The following CDH2 variants were observed in gnomAD, a reference collection of about 807,000 sequenced individuals.
CDH2 encodes the protein cadherin 2, also known as cadherin-2.
A neutral mutation model predicts 92.0 loss-of-function variants in CDH2; 17 were observed. The ratio of observed to expected loss-of-function variants is 0.18; its 90% CI spans 0.13 to 0.28. CDH2 has a LOEUF of 0.28. Among genes scored for constraint, CDH2 ranks in the 10% least tolerant of loss-of-function variants. CDH2 has a pLI of 1.00. For synonymous variants in CDH2, 419 were observed against 415.9 expected (o/e 1.01, Z -0.09); for missense variants, 862 against 1,133.1 (o/e 0.76, Z 3.44).
intron 15 of CDH2, among the ~76,000 whole-genome samples, 170 bp downstream of exon 15, chr18:27,963,187 C>T (rs551547910): frequency 6.6e-6 from 1 of 152,246 alleles, no homozygotes; most frequent in South Asian, 2.1e-4. Flanking sequence ...AAAGCAATTA[C>T]ATTTGTTGTT....
chr18:28,092,962 T>C (rs1177295402), intron 2 of CDH2, among the ~76,000 whole-genome samples: 3 of 152,176 alleles, frequency 2.0e-5, no homozygotes, highest in Non-Finnish European at 4.4e-5. Context: ...TTTTCTATTA[T>C]TGAGCAAATC....
chr18:28,015,283 C>T (rs1428810701), intron 2 of CDH2, among the ~76,000 whole-genome samples: 1 of 152,154 alleles, frequency 6.6e-6, no homozygotes, highest in Non-Finnish European at 1.5e-5. Flanking sequence ...TTATTTTCCA[C>T]ATAATGCCAT....
intron 14 of CDH2, among the ~76,000 whole-genome samples, chr18:27,976,968 C>G (rs1039167710): frequency 2.6e-5 from 4 of 152,102 alleles, no homozygotes; most frequent in Admixed American, 2.6e-4. Flanking sequence ...ATTAGTGACG[C>G]TGATATGGAA....
chr18:28,034,178 C>CT, intron 2 of CDH2, among the ~76,000 whole-genome samples: 1 of 152,132 alleles, frequency 6.6e-6, no homozygotes, highest in South Asian at 2.1e-4. Context: ...ATCTTCATTT[C>CT]TTCAGCTGTA....
At chr18:27,950,308 CAG>C (rs1410677664), downstream of CDH2, among the ~76,000 whole-genome samples, 1 of 152,052 alleles carries the variant, frequency 6.6e-6, no homozygotes, top group Non-Finnish European at 1.5e-5. Flanking sequence ...AAGAAACAAA[CAG>C]ATAAATACAA....
intron 2 of CDH2, among the ~76,000 whole-genome samples, chr18:28,058,021 T>C (rs1208090062): frequency 6.6e-6 from 1 of 152,210 alleles, no homozygotes; most frequent in East Asian, 1.9e-4. Flanking sequence ...CTTGGGAAGA[T>C]AATCAAAACT....
chr18:28,045,894 T>C lies in CDH2; in HGVS notation c.173-31985A>G, dbSNP rs796755314. 3.9e-5 allele frequency among the ~76,000 whole-genome samples: 6 copies of C among 152,266 alleles called. No homozygotes were observed. In the East Asian group the frequency reaches 9.6e-4, roughly 24 times the overall value. On this transcript the variant is annotated intron_variant, in intron 2 of 15. Coordinates refer to ENST00000269141, the MANE Select transcript of CDH2 (RefSeq NM_001792.5). Reference sequence around the variant, plus strand: ...ACTGAGAGAACTGAATAATTAACAGTAAAGTTCAGGTTATTTTCTGGAGTC... The same window carrying C: ...ACTGAGAGAACTGAATAATTAACAGCAAAGTTCAGGTTATTTTCTGGAGTC...
chr18:28,143,513 T>C (rs1420863297), intron 2 of CDH2, among the ~76,000 whole-genome samples: 3 of 151,856 alleles, frequency 2.0e-5, no homozygotes, highest in Admixed American at 1.3e-4. Context: ...GTGACAATAA[T>C]TGAAAGATGC....
intron 2 of CDH2, among the ~76,000 whole-genome samples, chr18:28,134,624 C>T (rs530060317): frequency 2.8e-4 from 43 of 152,168 alleles, no homozygotes; most frequent in African/African-American, 9.4e-4. Flanking sequence ...GATGAGAGAA[C>T]GGAATGAGCC....
At chr18:28,152,352 C>T (rs1224987797) in intron 1 of CDH2, among the ~76,000 whole-genome samples, 1 of 152,146 alleles carries the variant, frequency 6.6e-6, no homozygotes, top group Non-Finnish European at 1.5e-5. Context: ...TCATTTGCCA[C>T]TAGAAACAGA....
At chr18:28,163,142 T>C (rs2016330733) in intron 1 of CDH2, among the ~76,000 whole-genome samples, 1 of 152,176 alleles carries the variant, frequency 6.6e-6, no homozygotes, top group African/African-American at 2.4e-5. Flanking sequence ...AGAAAAACTC[T>C]CATCAGAAAC....
At chr18:27,996,080 A>T (rs2012572118) in intron 7 of CDH2, among the ~76,000 whole-genome samples, 1 of 152,044 alleles carries the variant, frequency 6.6e-6, no homozygotes, top group Non-Finnish European at 1.5e-5. Context: ...TTCCTGCTCT[A>T]TATGGAATAA....
chr18:27,986,722 C>T lies in CDH2; in HGVS notation c.1742-961G>A, dbSNP rs17493437. On this transcript the variant is annotated intron_variant, in intron 11 of 15. Coordinates refer to ENST00000269141, the MANE Select transcript of CDH2 (RefSeq NM_001792.5). Reference sequence around the variant, plus strand: ...GGGAATAAGGAGGAATGTTTACCAACTTCTATGAGGAATATGATGGTTCTA... The same window carrying T: ...GGGAATAAGGAGGAATGTTTACCAATTTCTATGAGGAATATGATGGTTCTA... Among the ~76,000 whole-genome samples, 911 of 152,212 alleles carry T rather than the reference C, an allele frequency of 6.0e-3. 9 individuals are homozygous for T. The highest frequency in any genetic ancestry group is 0.02 in the African/African-American group (838 of 41,524).
chr18:27,955,761 GTT>G (rs5823568), intron 15 of CDH2, among the ~76,000 whole-genome samples: 6 of 111,716 alleles, frequency 5.4e-5, no homozygotes, highest in Admixed American at 2.0e-4. Context: ...CTTTATTTCT[GTT>G]TTTTTTTTTT....
Position 27,958,506 on chromosome 18 carries a change from T to C in CDH2, c.2514+4851A>G, listed in dbSNP as rs542239597. Reference sequence around the variant, plus strand: ...GTATCTACAAATATACATATTTATATATGTATATATGTGTATATTTGTATA... The same window carrying C: ...GTATCTACAAATATACATATTTATACATGTATATATGTGTATATTTGTATA... On this transcript the variant is annotated intron_variant, in intron 15 of 15. Transcript: ENST00000269141. Among the ~76,000 whole-genome samples the C allele has an allele frequency of 5.1e-5, 5 of 97,652 alleles. No homozygotes were observed. In the East Asian group the frequency reaches 1.0e-3, roughly 20 times the overall value. The allele number at this position is 97,652 out of a possible 152,430, so 64.1% of individuals were successfully genotyped here.
At chr18:28,138,741 TGAA>T (rs2015905032) in intron 2 of CDH2, among the ~76,000 whole-genome samples, 1 of 152,072 alleles carries the variant, frequency 6.6e-6, no homozygotes, top group African/African-American at 2.4e-5. Flanking sequence ...ACTTGTCAAA[TGAA>T]GAAATAATAA....
At chr18:28,025,176 G>A (rs909832677) in intron 2 of CDH2, among the ~76,000 whole-genome samples, 1 of 152,050 alleles carries the variant, frequency 6.6e-6, no homozygotes, top group African/African-American at 2.4e-5. Context: ...TGTTATGCAG[G>A]AGACCTCTCT....
At chr18:28,004,032 T>C (rs1599025980) in intron 6 of CDH2, among the ~76,000 whole-genome samples, 1 of 152,324 alleles carries the variant, frequency 6.6e-6, no homozygotes. Context: ...CTCCATGGTA[T>C]ACCTTGGGTT....
intron 2 of CDH2, among the ~76,000 whole-genome samples, chr18:28,139,820 G>A (rs1006369283): frequency 6.6e-6 from 1 of 151,932 alleles, no homozygotes; most frequent in South Asian, 2.1e-4. Context: ...CAGCTCCACA[G>A]TGATTTTATT....
Sources: gnomAD v4.1 joint callset for allele counts (sites outside exome capture counted in the v4.1 genomes callset) on GRCh38, gnomAD v4.1.1 for gene constraint, MANE v1.5 for transcripts, NCBI Gene and HGNC (gene_info 2026-07-23, HGNC 2026-07-21) for gene names.